MLLT1: variants seen among roughly 807,000 people sequenced by gnomAD.
The protein encoded by MLLT1 is MLLT1 super elongation complex subunit, also known as protein ENL.
Under a neutral mutation model 55.1 loss-of-function variants are expected in MLLT1, and 11 were observed. The ratio of observed to expected loss-of-function variants is 0.20; its 90% CI spans 0.13 to 0.33. The LOEUF (loss-of-function observed/expected upper bound fraction) is 0.33, where lower values mean the gene tolerates loss of function less well. Among genes scored for constraint, MLLT1 ranks in the 10% least tolerant of loss-of-function variants. The probability of loss-of-function intolerance (pLI) is 1.00; values close to 1 mark genes in which losing one functional copy is unlikely to be tolerated. For synonymous variants in MLLT1, 323 were observed against 320.1 expected, an observed-to-expected ratio of 1.01 and a Z score of -0.10; for missense variants, 536 against 760.6, an observed-to-expected ratio of 0.70 and a Z score of 3.47.
At position 6,240,526 on chromosome 19, in the gene MLLT1, T is replaced by C. The variant is rs1437511699; in HGVS notation, c.277-9813A>G. ...AGTGGGAAAGGCAGAACCCACCCCA[T>C]ATACAGGCACTCAAGTGCTACTCCT... On this transcript the variant is annotated intron_variant, in intron 3 of 11. Coordinates refer to ENST00000252674, the MANE Select transcript of MLLT1 (RefSeq NM_005934.4). This position sits in a 1 kb window ranked among gnomAD's most constrained non-coding sequence, Gnocchi z 4.7. Among the ~76,000 whole-genome samples the C allele has an allele frequency of 6.6e-6, 1 of 152,054 alleles. No homozygotes were observed. The highest frequency in any genetic ancestry group is 1.5e-5 in the Non-Finnish European group (1 of 67,990).
Position 6,226,251 on chromosome 19 carries a change from C to T in MLLT1, c.546+726G>A, listed in dbSNP as rs148993445. 2.0e-5 allele frequency among the ~76,000 whole-genome samples: 3 copies of T among 152,176 alleles called. No individual in the cohort carries two copies. Among genetic ancestry groups the T allele is most frequent in the Non-Finnish European group, 2.9e-5 (2 of 68,034 alleles). On this transcript the variant is annotated intron_variant, in intron 5 of 11. Transcript: ENST00000252674. This position sits in a 1 kb window ranked among gnomAD's most constrained non-coding sequence, Gnocchi z 6.3. ...GGGCAGCTGCCCCGAGGGCCCGTGC[C>T]GCTCAGCCTCCAGGAACGGCTGTGC...
intron 3 of MLLT1, among the ~76,000 whole-genome samples, chr19:6,237,214 G>A (rs537409304): frequency 2.8e-4 from 43 of 152,334 alleles, no homozygotes; most frequent in Admixed American, 1.2e-3. Flanking sequence ...CGGGCCATGC[G>A]TGGAGCGCCT....
At position 6,273,584 on chromosome 19, in the gene MLLT1, T is replaced by G. The variant is rs1223397799; in HGVS notation, c.13-2825A>C. Among the ~76,000 whole-genome samples, 1 of 152,070 alleles carries G rather than the reference T, an allele frequency of 6.6e-6. No homozygotes were observed. The highest frequency in any genetic ancestry group is 1.5e-5 in the Non-Finnish European group (1 of 67,996). ...AACAAACCCAAAACAACACTGACAT[T>G]AGCCCCGAGCGGCCATGACCACCCT... On this transcript the variant is annotated intron_variant, in intron 1 of 11. Transcript: ENST00000252674. This position sits in a 1 kb window ranked among gnomAD's most constrained non-coding sequence, Gnocchi z 4.3.
chr19:6,277,002 C>T (rs2091431551), intron 1 of MLLT1, among the ~76,000 whole-genome samples: 2 of 152,176 alleles, frequency 1.3e-5, no homozygotes, highest in Non-Finnish European at 2.9e-5. Context: ...AGCGACTGGG[C>T]GGAAAGCTGT....
At chr19:6,238,097 G>C (rs1434231207) in intron 3 of MLLT1, among the ~76,000 whole-genome samples, 1 of 152,214 alleles carries the variant, frequency 6.6e-6, no homozygotes, top group Non-Finnish European at 1.5e-5. Context: ...GTGAGACCCT[G>C]ACTTAAAGAG....
chr19:6,258,012 A>G (rs957955831), intron 3 of MLLT1, among the ~76,000 whole-genome samples: 1 of 152,214 alleles, frequency 6.6e-6, no homozygotes, highest in Non-Finnish European at 1.5e-5. Context: ...ATCTGGAGAA[A>G]CAGGAACCCT....
intron 3 of MLLT1, among the ~76,000 whole-genome samples, chr19:6,248,761 T>C (rs1016920380): frequency 2.0e-5 from 3 of 152,160 alleles, no homozygotes; most frequent in Non-Finnish European, 4.4e-5. Flanking sequence ...AAGTCCCTAG[T>C]TTAGTTCACG....
intron 2 of MLLT1, among the ~76,000 whole-genome samples, chr19:6,266,917 G>T (rs1394785000): frequency 6.6e-6 from 1 of 152,140 alleles, no homozygotes; most frequent in Non-Finnish European, 1.5e-5. Context: ...AGTCCGTTGT[G>T]ATTAGAGAAG....
chr19:6,211,826 C>T lies in MLLT1; in HGVS notation c.*1216G>A, dbSNP rs916521585. ...GCCGGGAAGGAGGACCGGCTTGGCC[C>T]CTGGAGAATCTCAGGCATACCAGGA... On this transcript the variant is annotated 3_prime_UTR_variant, in exon 12 of 12. Transcript: ENST00000252674. This position sits in a 1 kb window ranked among gnomAD's most constrained non-coding sequence, Gnocchi z 4.6. The T allele has an allele frequency of 1.7e-5, 18 of 1,064,024 alleles. No individual in the cohort carries two copies. The African/African-American group carries it at 3.0e-4, about 17-fold the overall frequency. 65.9% of individuals were successfully genotyped at this position (1,064,024 alleles called of 1,614,324 possible).
chr19:6,239,015 G>A (rs553335714), intron 3 of MLLT1, among the ~76,000 whole-genome samples: 1 of 152,386 alleles, frequency 6.6e-6, no homozygotes, highest in South Asian at 2.1e-4. Context: ...CCAGCTGCTA[G>A]GAGAGGAAGC....
rs915970039 is a variant in MLLT1 at position 6,210,986 on chromosome 19, C to T, written c.*2056G>A. ...GGCAGGAAGGGCCAGACGCCACCAC[C>T]GAGAGCAGGCGGGGGAGCCCGACCC... On this transcript the variant is annotated 3_prime_UTR_variant, in exon 12 of 12. Coordinates refer to ENST00000252674, the MANE Select transcript of MLLT1 (RefSeq NM_005934.4). This position sits in a 1 kb window ranked among gnomAD's most constrained non-coding sequence, Gnocchi z 4.6. 4.3e-6 allele frequency: 1 copy of T among 231,626 alleles called. No individual in the cohort carries two copies. The highest frequency in any genetic ancestry group is 8.5e-6 in the Non-Finnish European group (1 of 117,046). 14.3% of individuals were successfully genotyped at this position (231,626 alleles called of 1,614,324 possible).
At chr19:6,269,796 G>C (rs868500999) in intron 2 of MLLT1, among the ~76,000 whole-genome samples, 1 of 152,214 alleles carries the variant, frequency 6.6e-6, no homozygotes, top group South Asian at 2.1e-4. Context: ...CCTACAGAAA[G>C]TCCCTCATTC....
chr19:6,244,038 C>T (rs2091142418), intron 3 of MLLT1, among the ~76,000 whole-genome samples: 1 of 137,430 alleles, frequency 7.3e-6, no homozygotes, highest in Non-Finnish European at 1.5e-5. Context: ...AGCAAGACTC[C>T]ACCTCAAAAA....
chr19:6,222,719 G>A lies in MLLT1; in HGVS notation c.547-35C>T, dbSNP rs1478621603. 3.0e-5 allele frequency: 44 copies of A among 1,489,974 alleles called. No individual in the cohort carries two copies. Among genetic ancestry groups the A allele is most frequent in the Non-Finnish European group, 3.8e-5 (43 of 1,124,058 alleles). 92.3% of individuals were successfully genotyped at this position (1,489,974 alleles called of 1,614,324 possible). A position where few individuals can be genotyped will look rare whatever the true frequency, so the allele number is the denominator to read the frequency against. ...CAAGAGCAGGGAGGGCAAGGGGAGA[G>A]ACAAGGTCACGTGGCATTGCGGGGC... On this transcript the variant is annotated intron_variant, in intron 5 of 11. Coordinates refer to ENST00000252674, the MANE Select transcript of MLLT1 (RefSeq NM_005934.4). This position sits in a 1 kb window ranked among gnomAD's most constrained non-coding sequence, Gnocchi z 4.1.
intron 1 of MLLT1, among the ~76,000 whole-genome samples, chr19:6,274,300 C>T (rs1223500255): frequency 1.3e-5 from 2 of 152,214 alleles, no homozygotes; most frequent in Non-Finnish European, 1.5e-5. Flanking sequence ...AGTGGAGCCC[C>T]GGCCAACGCG....
chr19:6,237,740 G>C (rs2144891495), intron 3 of MLLT1, among the ~76,000 whole-genome samples: 1 of 149,290 alleles, frequency 6.7e-6, no homozygotes, highest in East Asian at 2.0e-4. Flanking sequence ...TCCAGCCTGG[G>C]CGACTAAGTG....
intron 1 of MLLT1, among the ~76,000 whole-genome samples, chr19:6,274,133 G>A (rs2091415132): frequency 6.6e-6 from 1 of 152,278 alleles, no homozygotes; most frequent in African/African-American, 2.4e-5. Flanking sequence ...GCCAACAGAT[G>A]CGAAGTTCGG....
intron 3 of MLLT1, among the ~76,000 whole-genome samples, chr19:6,253,002 G>A (rs897237736): frequency 2.0e-5 from 3 of 151,952 alleles, no homozygotes; most frequent in African/African-American, 4.8e-5. Context: ...GGTGGCTCAC[G>A]ACTGTAATCC....
At chr19:6,254,441 G>A (rs10407833) in intron 3 of MLLT1, among the ~76,000 whole-genome samples, 3,421 of 152,322 alleles carry the variant, frequency 0.022, 144 homozygotes, top group African/African-American at 0.078. Flanking sequence ...GGCAACACCC[G>A]ATTTATGGCC....
Sources: allele counts gnomAD v4.1 joint callset (sites outside exome capture counted in the v4.1 genomes callset), GRCh38; gene constraint gnomAD v4.1.1; non-coding constraint Gnocchi (gnomAD v3.1); transcripts MANE v1.5; gene names NCBI Gene and HGNC (gene_info 2026-07-23, HGNC 2026-07-21).